TMEM230: variants seen among roughly 807,000 people sequenced by gnomAD.
TMEM230 encodes the protein transmembrane protein 230.
TMEM230 carries 10 observed loss-of-function variants against 15.8 expected under a neutral mutation model. The ratio of observed to expected loss-of-function variants is 0.63; its 90% CI spans 0.39 to 1.07. TMEM230 has a LOEUF of 1.07. Ranked by LOEUF, TMEM230 falls within the 50% of genes least tolerant of loss-of-function variation. The pLI is 0.01. For synonymous variants in TMEM230, 67 were observed against 76.9 expected, an observed-to-expected ratio of 0.87 and a Z score of 0.68; for missense variants, 165 against 193.3, an observed-to-expected ratio of 0.85 and a Z score of 0.87.
At chr20:5,071,093 A>G (rs780383963) in intron 3 of TMEM230, among the ~76,000 whole-genome samples, 1 of 152,194 alleles carries the variant, frequency 6.6e-6, no homozygotes, top group South Asian at 2.1e-4. Context: ...CTCAATACTC[A>G]AGAGTCAGCT....
At chr20:5,061,329 A>G in the TMEM230 span, 2 of 152,138 alleles carry the variant, frequency 1.3e-5, no homozygotes, top group East Asian at 1.9e-4. Context: ...ATCCCTTTCA[A>G]TGCAGTGCTC....
At chr20:5,106,621 G>C (rs893162792) in intron 3 of TMEM230, among the ~76,000 whole-genome samples, 7 of 152,138 alleles carry the variant, frequency 4.6e-5, no homozygotes, top group African/African-American at 1.7e-4. Context: ...TGACCTGGCT[G>C]GGCTTGAACT....
chr20:5,105,581 TAA>T (rs1294763587), intron 4 of TMEM230, among the ~76,000 whole-genome samples: 1 of 151,774 alleles, frequency 6.6e-6, no homozygotes, highest in Non-Finnish European at 1.5e-5. Flanking sequence ...TGTCTCAAAA[TAA>T]ATAAATAAAT....
At chr20:5,070,852 G>A (rs2088799982) in intron 3 of TMEM230, among the ~76,000 whole-genome samples, 1 of 152,106 alleles carries the variant, frequency 6.6e-6, no homozygotes, top group Non-Finnish European at 1.5e-5. Flanking sequence ...CTATAGCCTT[G>A]ACCTGTTGCA....
chr20:5,070,346 A>G (rs769094426), intron 3 of TMEM230, among the ~76,000 whole-genome samples: 15 of 152,246 alleles, frequency 9.9e-5, no homozygotes, highest in South Asian at 4.1e-4. Context: ...TCTAACAACA[A>G]TCACCTAAGA....
intron 3 of TMEM230, among the ~76,000 whole-genome samples, chr20:5,081,859 A>ATTTTTT (rs2089183467): frequency 1.1e-5 from 1 of 92,230 alleles, no homozygotes; most frequent in African/African-American, 4.3e-5. Flanking sequence ...AAATTCACTG[A>ATTTTTT]TTTTCTTTTT....
intron 3 of TMEM230, among the ~76,000 whole-genome samples, chr20:5,077,820 C>G (rs1462253734): frequency 6.7e-6 from 1 of 149,770 alleles, no homozygotes; most frequent in African/African-American, 2.5e-5. Context: ...GGCAAGAGAG[C>G]AAGACTCAAC....
the TMEM230 span, among the ~76,000 whole-genome samples, chr20:5,062,404 T>C: frequency 1.3e-5 from 2 of 150,042 alleles, no homozygotes; most frequent in Non-Finnish European, 3.0e-5. Flanking sequence ...ATTTATGCAC[T>C]AGAAAATACA....
At chr20:5,081,192 T>A (rs997883866) in intron 3 of TMEM230, among the ~76,000 whole-genome samples, 1 of 152,186 alleles carries the variant, frequency 6.6e-6, no homozygotes, top group African/African-American at 2.4e-5. Context: ...GAGAGAAGCA[T>A]GTGGGTTTGA....
At chr20:5,111,171 G>A (rs1451319966) in intron 2 of TMEM230, 6 of 147,406 alleles carry the variant, frequency 4.1e-5, no homozygotes, top group Non-Finnish European at 8.9e-5. Flanking sequence ...GACAGAATGA[G>A]ACCCTGAGTC....
intron 2 of TMEM230, among the ~76,000 whole-genome samples, chr20:5,110,287 GTTTT>G (rs113672230): frequency 3.7e-4 from 53 of 144,180 alleles, no homozygotes; most frequent in East Asian, 1.8e-3. Flanking sequence ...CTTGAACTCA[GTTTT>G]TTTTTTTTTC....
intron 1 of TMEM230, 84 bp downstream of exon 1, chr20:5,112,877 G>T: frequency 1.3e-6 from 2 of 1,548,134 alleles, no homozygotes; most frequent in African/African-American, 1.4e-5. Context: ...CTCGGAGCTT[G>T]ATTTCGGCGG....
downstream of TMEM230, among the ~76,000 whole-genome samples, chr20:5,066,585 T>C (rs192128039): frequency 3.4e-5 from 5 of 148,932 alleles, no homozygotes; most frequent in African/African-American, 5.0e-5. Context: ...AGCAGGAGAA[T>C]AGCTTGAACC....
At chr20:5,107,982 C>A (rs558582533) in intron 3 of TMEM230, among the ~76,000 whole-genome samples, 1 of 151,804 alleles carries the variant, frequency 6.6e-6, no homozygotes, top group African/African-American at 2.4e-5. Flanking sequence ...CATGGTGGTG[C>A]ATGCCTGTAA....
At chr20:5,104,666 T>C (rs945151206) in intron 4 of TMEM230, among the ~76,000 whole-genome samples, 2 of 152,200 alleles carry the variant, frequency 1.3e-5, no homozygotes, top group Non-Finnish European at 2.9e-5. Flanking sequence ...ATGGTACATA[T>C]ATGCAATGGA....
intron 3 of TMEM230, among the ~76,000 whole-genome samples, chr20:5,087,160 C>T (rs1010061838): frequency 1.3e-4 from 20 of 152,150 alleles, no homozygotes; most frequent in African/African-American, 1.9e-4. Flanking sequence ...AGGCATGAGC[C>T]GCCATGGCCG....
chr20:5,104,214 C>G (rs1049817003), intron 4 of TMEM230, among the ~76,000 whole-genome samples: 1 of 152,178 alleles, frequency 6.6e-6, no homozygotes, highest in East Asian at 1.9e-4. Context: ...ATCATCTCAT[C>G]CTAGTTAAAA....
rs372464199 is a variant in TMEM230 at position 5,072,526 on chromosome 20, T to G, written c.223-3177A>C. ...TTTTTTTCCTTTTTGGCCGTGAGAC[T>G]ATAAGAACATGAACTTGAAGTTTCC... On this transcript the variant is annotated intron_variant, in intron 3 of 3. Coordinates refer to the TMEM230 transcript ENST00000612323. Among the ~76,000 whole-genome samples, 553 of 152,016 alleles carry G rather than the reference T, an allele frequency of 3.6e-3. 2 individuals carry two copies. The highest frequency in any genetic ancestry group is 0.012 in the African/African-American group (483 of 41,454).
At chr20:5,108,183 G>A (rs1568507574) in intron 3 of TMEM230, among the ~76,000 whole-genome samples, 1 of 152,152 alleles carries the variant, frequency 6.6e-6, no homozygotes, top group Non-Finnish European at 1.5e-5. Flanking sequence ...ACTTTGCGAG[G>A]CCGAGGCAGG....
Sources: gnomAD v4.1 joint callset for allele counts (sites outside exome capture counted in the v4.1 genomes callset) on GRCh38, gnomAD v4.1.1 for gene constraint, MANE v1.5 for transcripts, NCBI Gene and HGNC (gene_info 2026-07-23, HGNC 2026-07-21) for gene names.